Variants in ITGB2 observed in about 807,000 individuals in gnomAD.
The protein encoded by ITGB2 is integrin subunit beta 2.
In ITGB2, 56 loss-of-function variants were observed where a neutral mutation model predicts 86.8. The ratio of observed to expected loss-of-function variants is 0.65; its 90% confidence interval spans 0.52 to 0.81. ITGB2 has a LOEUF of 0.81. Ranked by LOEUF, ITGB2 falls within the 30% of genes least tolerant of loss-of-function variation. The pLI is 0.00. For missense variants in ITGB2, 948 were observed against 1,061.2 expected, an observed-to-expected ratio of 0.89 and a Z score of 1.48; for synonymous variants, 457 against 450.4, an observed-to-expected ratio of 1.01 and a Z score of -0.19.
At chr21:44,910,828 C>G (rs763152551) in intron 1 of ITGB2, 43 bp from the exon 2 acceptor site, 1 of 1,586,376 alleles carries the variant, frequency 6.3e-7, no homozygotes. Flanking sequence ...AGGCCCAACC[C>G]CTGGGGCTGA....
chr21:44,922,362 A>C (rs1282615152), upstream of ITGB2, among the ~76,000 whole-genome samples: 2 of 152,144 alleles, frequency 1.3e-5, no homozygotes, highest in East Asian at 1.9e-4. Context: ...TACCTGAAAA[A>C]AAATATGACA....
chr21:44,924,647 A>G (rs1000190335), upstream of ITGB2, among the ~76,000 whole-genome samples: 6 of 152,154 alleles, frequency 3.9e-5, no homozygotes, highest in African/African-American at 1.4e-4. Context: ...CACGGACACA[A>G]TTGAATGAAA....
intron 1 of ITGB2, among the ~76,000 whole-genome samples, chr21:44,918,476 C>T (rs1026248829): frequency 6.6e-6 from 1 of 152,236 alleles, no homozygotes; most frequent in African/African-American, 2.4e-5. Context: ...ACTATAGAGA[C>T]AGCTGGAGTG....
rs760462 is a variant in ITGB2 at position 44,908,184 on chromosome 21, T to C, written c.148-1089A>G. 609,334 of 719,108 alleles carry C rather than the reference T, an allele frequency of 0.85. 259,384 individuals carry two copies. Among genetic ancestry groups the C allele is most frequent in the African/African-American group, 0.97 (55,797 of 57,694 alleles). 44.5% of individuals were successfully genotyped at this position (719,108 alleles called of 1,614,324 possible). On this transcript the variant is annotated intron_variant, in intron 3 of 15. Coordinates refer to ENST00000652462, the MANE Select transcript of ITGB2 (RefSeq NM_000211.5). Reference sequence around the variant, plus strand: ...GGCTGGAGGACCCAAAGCCGCTCCCTGTGGGACGCAAAATTGAGAAATGAG... The same window carrying C: ...GGCTGGAGGACCCAAAGCCGCTCCCCGTGGGACGCAAAATTGAGAAATGAG...
At chr21:44,891,291 T>C (rs896208213) in intron 11 of ITGB2, among the ~76,000 whole-genome samples, 1 of 151,960 alleles carries the variant, frequency 6.6e-6, no homozygotes, top group African/African-American at 2.4e-5. Flanking sequence ...GCCCAAGAGG[T>C]GGCCTATGGG....
At chr21:44,899,272 C>T (rs978897694) in intron 7 of ITGB2, 110 bp from the exon 8 acceptor site, 4 of 831,238 alleles carry the variant, frequency 4.8e-6, no homozygotes, top group African/African-American at 3.4e-5. Context: ...TTCGAACCCT[C>T]TCTGGGGAAG....
At chr21:44,917,355 G>A (rs2146560037) in intron 1 of ITGB2, among the ~76,000 whole-genome samples, 1 of 152,306 alleles carries the variant, frequency 6.6e-6, no homozygotes, top group East Asian at 1.9e-4. Flanking sequence ...ATTTCTCTGG[G>A]TGGTGGCACT....
rs566749156 is a variant in ITGB2, at chr21:44,915,075, G to C, written c.-3-4290C>G. ...GGAGTTGCGCTGTCACCGGCCTGGA[G>C]TGCAGTGGCGCGATCTCAGCTCACT... On this transcript the variant is annotated intron_variant, in intron 1 of 15. Transcript: ENST00000652462. 3.3e-5 allele frequency among the ~76,000 whole-genome samples: 5 copies of C among 152,326 alleles called. No individual in the cohort carries two copies. In the South Asian group the frequency reaches 8.3e-4, roughly 25 times the overall value.
At chr21:44,924,813 C>G (rs181967721), upstream of ITGB2, among the ~76,000 whole-genome samples, 1 of 152,260 alleles carries the variant, frequency 6.6e-6, no homozygotes, top group Admixed American at 6.5e-5. Context: ...AGCCTCGTGA[C>G]CCACAGATCC....
At chr21:44,927,819 C>G (rs1046996911) in intron 1 of ITGB2, 1 of 152,260 alleles carries the variant, frequency 6.6e-6, no homozygotes, top group Non-Finnish European at 1.5e-5. Context: ...AGGTGGGGTG[C>G]TCCAACGAGC....
chr21:44,889,250 GC>G (rs976160364), intron 13 of ITGB2, 25 bp downstream of exon 13: 61 of 1,607,330 alleles, frequency 3.8e-5, no homozygotes, highest in Non-Finnish European at 4.9e-5. Context: ...ATCCCTGCCC[GC>G]CCTGCCTGCT....
intron 1 of ITGB2, among the ~76,000 whole-genome samples, chr21:44,920,195 A>G (rs1296576218): frequency 6.6e-6 from 1 of 152,030 alleles, no homozygotes; most frequent in Non-Finnish European, 1.5e-5. Context: ...TGTACATACA[A>G]CAGACTCCCC....
chr21:44,886,337 G>T lies in ITGB2; in HGVS notation c.*31C>A, dbSNP rs756580271. 1.2e-6 allele frequency: 2 copies of T among 1,600,818 alleles called. No individual in the cohort carries two copies. The highest frequency in any genetic ancestry group is 1.1e-5 in the South Asian group (1 of 90,836). ...CCGCGTGATGGGGCAGACATGGTGG[G>T]TCCTGACGGCCTTGTCTTCACCAAG... On this transcript the variant is annotated 3_prime_UTR_variant, in exon 16 of 16. Transcript: ENST00000652462.
chr21:44,926,066 C>T (rs1310081757), intron 1 of ITGB2, among the ~76,000 whole-genome samples: 1 of 152,164 alleles, frequency 6.6e-6, no homozygotes, highest in African/African-American at 2.4e-5. Flanking sequence ...GATCGTGCCA[C>T]TGCACTCCAG....
chr21:44,916,957 GA>G (rs2084221398), intron 1 of ITGB2, among the ~76,000 whole-genome samples: 1 of 151,996 alleles, frequency 6.6e-6, no homozygotes, highest in African/African-American at 2.4e-5. Flanking sequence ...TTGCATAGAG[GA>G]AATAGCTATT....
chr21:44,891,913 T>C lies in ITGB2; in HGVS notation c.1308A>G (p.Ile436Met). 3 of 1,613,370 alleles carry C rather than the reference T, an allele frequency of 1.9e-6. No individual in the cohort carries two copies. The highest frequency in any genetic ancestry group is 1.7e-6 in the Non-Finnish European group (2 of 1,179,968). Reference sequence around the variant, plus strand: ...ACTGGGGAAGAACCTGCACGGTCACTATGTCCGTGAAGCCCAGCGCCCGGA... The same window carrying C: ...ACTGGGGAAGAACCTGCACGGTCACCATGTCCGTGAAGCCCAGCGCCCGGA... ...FVIRALGFTD[I>M]VTVQVLPQCE... is the part of the protein sequence containing the mutation. Residue 436 changes from isoleucine to methionine, a missense_variant, in exon 11 of 16, where the codon ATA becomes ATG. Transcript: ENST00000652462.
intron 14 of ITGB2, among the ~76,000 whole-genome samples, chr21:44,887,916 C>A (rs1211023122): frequency 2.0e-5 from 3 of 152,348 alleles, no homozygotes; most frequent in Admixed American, 6.5e-5. Context: ...CTCAGTTCTG[C>A]AAGAGTCCTG....
intron 5 of ITGB2, among the ~76,000 whole-genome samples, chr21:44,902,668 A>G (rs1366432090): frequency 6.6e-6 from 1 of 150,654 alleles, no homozygotes; most frequent in Non-Finnish European, 1.5e-5. Context: ...CGCATGTGTG[A>G]GCGTGCATTT....
chr21:44,913,960 G>A (rs1440698685), intron 1 of ITGB2, among the ~76,000 whole-genome samples: 1 of 152,170 alleles, frequency 6.6e-6, no homozygotes, highest in African/African-American at 2.4e-5. Context: ...CGGCAGAGCT[G>A]CAGGGCAGGA....
Sources: allele counts gnomAD v4.1 joint callset (sites outside exome capture counted in the v4.1 genomes callset), GRCh38; gene constraint gnomAD v4.1.1; transcripts MANE v1.5; gene names NCBI Gene and HGNC (gene_info 2026-07-23, HGNC 2026-07-21).